The following STK3 variants were observed in gnomAD, a reference collection of about 807,000 sequenced individuals.
STK3 encodes serine/threonine-protein kinase 3.
Under a neutral mutation model 58.0 loss-of-function variants are expected in STK3, and 41 were observed. That is an observed-to-expected ratio of 0.71 (90% CI 0.55 to 0.92). The LOEUF (loss-of-function observed/expected upper bound fraction) is 0.92. Among genes scored for constraint, STK3 ranks in the 40% least tolerant of loss-of-function variants. The pLI is 0.00. For missense variants in STK3, 479 were observed against 602.7 expected (o/e 0.79, Z 2.15); for synonymous variants, 170 against 191.0 (o/e 0.89, Z 0.91).
intron 6 of STK3, among the ~76,000 whole-genome samples, chr8:98,637,377 A>T (rs973004366): frequency 6.6e-6 from 1 of 152,120 alleles, no homozygotes; most frequent in African/African-American, 2.4e-5. Context: ...AGTAAACTAA[A>T]CATGGGCCAA....
At chr8:98,928,736 A>G (rs1480987760) in intron 1 of STK3, among the ~76,000 whole-genome samples, 3 of 152,176 alleles carry the variant, frequency 2.0e-5, no homozygotes, top group African/African-American at 7.2e-5. Flanking sequence ...TACCTTTCCA[A>G]TTAAAAAAAT....
intron 1 of STK3, among the ~76,000 whole-genome samples, chr8:98,936,858 A>C (rs1386092852): frequency 6.6e-6 from 1 of 152,256 alleles, no homozygotes; most frequent in Non-Finnish European, 1.5e-5. Flanking sequence ...CCTGGAGGCA[A>C]GCCCACTTGC....
chr8:98,736,282 C>T (rs1247263313), intron 4 of STK3, among the ~76,000 whole-genome samples: 3 of 152,068 alleles, frequency 2.0e-5, no homozygotes, highest in Non-Finnish European at 4.4e-5. Flanking sequence ...TTCATGGATG[C>T]AAATACACTA....
chr8:98,584,629 G>A (rs1227161078), intron 7 of STK3, among the ~76,000 whole-genome samples: 1 of 149,330 alleles, frequency 6.7e-6, no homozygotes, highest in Non-Finnish European at 1.5e-5. Flanking sequence ...TGGGATGGCT[G>A]GGTCAAATGG....
intron 1 of STK3, among the ~76,000 whole-genome samples, chr8:98,931,628 T>C (rs563070116): frequency 3.4e-4 from 52 of 152,340 alleles, no homozygotes; most frequent in African/African-American, 1.2e-3. Context: ...GCACTGGCTT[T>C]TGATAACAGC....
At position 98,707,156 on chromosome 8, in the gene STK3, A is replaced by G. The variant is rs777683660; in HGVS notation, c.507T>C (p.Gly169=). 1.9e-6 allele frequency: 3 copies of G among 1,594,998 alleles called. No individual in the cohort carries two copies. The African/African-American group carries it at 4.0e-5, about 22-fold the overall frequency. The part of the protein sequence containing the change: ...HAKLADFGVA[G]QLTDTMAKRN... ...ATTAAAGTTAACTTACTGTTAACTG[A>G]CCAGCCACTCCAAAATCTGCCAATT... The change falls in exon 5 of 11, where the codon GGT becomes GGC. Residue 169 remains glycine, a synonymous_variant. Transcript: ENST00000419617.
rs1818776488 is a variant in STK3, at chr8:98,627,073, A to G, written c.685-30904T>C. ...CACCTCTAATGGCTATGTGGCTTGG[A>G]CTCAAGTCTTAAGAGTCATCATAGG... is the stretch of plus-strand genomic sequence containing the variant. On this transcript the variant is annotated intron_variant, in intron 6 of 10. Transcript: ENST00000419617. Among the ~76,000 whole-genome samples the G allele has an allele frequency of 2.0e-5, 3 of 152,078 alleles. No individual in the cohort carries two copies. The South Asian group carries it at 6.2e-4, about 31-fold the overall frequency.
chr8:98,639,928 T>C (rs1376106131), intron 6 of STK3, among the ~76,000 whole-genome samples: 1 of 152,012 alleles, frequency 6.6e-6, no homozygotes, highest in Non-Finnish European at 1.5e-5. Context: ...CTGGCCAACA[T>C]GGTGAAACCC....
chr8:98,740,672 A>G (rs1054703400), intron 4 of STK3, among the ~76,000 whole-genome samples: 39 of 152,364 alleles, frequency 2.6e-4, no homozygotes, highest in African/African-American at 8.9e-4. Context: ...GAGGCTAGGA[A>G]GAAACGGTAT....
rs1813697522 is a variant in STK3, at chr8:98,579,652, A to ATAAT, written c.948+8_948+11dup. ...GAAGAAAAAAATCAACTTTTTGAAG[A>ATAAT]TAATTACAAACCGAATTTTCTTCTT... On this transcript the variant is annotated intron_variant, in intron 8 of 10. Transcript: ENST00000419617. 1 of 1,600,178 alleles carries ATAAT rather than the reference A, an allele frequency of 6.2e-7. No homozygotes were observed. The highest frequency in any genetic ancestry group is 1.1e-5 in the South Asian group (1 of 87,456).
At chr8:98,534,787 G>A (rs1809624328) in intron 9 of STK3, among the ~76,000 whole-genome samples, 1 of 152,092 alleles carries the variant, frequency 6.6e-6, no homozygotes, top group Non-Finnish European at 1.5e-5. Flanking sequence ...CTAAAATAGA[G>A]TCTAGGAATT....
chr8:98,727,479 G>A (rs1827868929), intron 4 of STK3, among the ~76,000 whole-genome samples: 1 of 152,128 alleles, frequency 6.6e-6, no homozygotes, highest in Admixed American at 6.6e-5. Flanking sequence ...CTTAGGCTGG[G>A]TTTTCTGTAA....
intron 10 of STK3, among the ~76,000 whole-genome samples, chr8:98,468,886 G>A (rs964175836): frequency 1.5e-4 from 23 of 152,106 alleles, no homozygotes; most frequent in Admixed American, 3.9e-4. Context: ...TGAGGCAGGC[G>A]GATCACGAGG....
At chr8:98,914,476 A>G (rs1375030568) in intron 1 of STK3, among the ~76,000 whole-genome samples, 1 of 138,574 alleles carries the variant, frequency 7.2e-6, no homozygotes, top group African/African-American at 2.5e-5. Flanking sequence ...ACACACACAC[A>G]CACACACACA....
At chr8:98,385,068 A>G (rs113670984) in intron 1 of STK3, among the ~76,000 whole-genome samples, 61 of 152,122 alleles carry the variant, frequency 4.0e-4, no homozygotes, top group African/African-American at 1.5e-3. Flanking sequence ...TTTGAATTTC[A>G]AAAGCCAGTC....
chr8:98,717,265 T>C (rs570679503), intron 4 of STK3, among the ~76,000 whole-genome samples: 2 of 151,142 alleles, frequency 1.3e-5, no homozygotes, highest in East Asian at 3.9e-4. Context: ...GAGAAAACAT[T>C]TAAAAATTAC....
At chr8:98,859,709 G>A (rs1836856929) in intron 3 of STK3, among the ~76,000 whole-genome samples, 1 of 152,204 alleles carries the variant, frequency 6.6e-6, no homozygotes, top group Admixed American at 6.5e-5. Flanking sequence ...TTTCTACCCT[G>A]TGCAATCATA....
chr8:98,875,446 T>C (rs1180273653), intron 3 of STK3: 1 of 152,260 alleles, frequency 6.6e-6, no homozygotes, highest in Non-Finnish European at 1.5e-5. Flanking sequence ...TTTCAGTTTT[T>C]ATATGAAAAC....
At chr8:98,691,762 T>C (rs966353938) in intron 6 of STK3, among the ~76,000 whole-genome samples, 2 of 151,842 alleles carry the variant, frequency 1.3e-5, no homozygotes, top group Non-Finnish European at 2.9e-5. Context: ...TGAAACCCCG[T>C]CTCTACTAAA....
Sources: gnomAD v4.1 joint callset for allele counts (sites outside exome capture counted in the v4.1 genomes callset) on GRCh38, gnomAD v4.1.1 for gene constraint, MANE v1.5 for transcripts, NCBI Gene and HGNC (gene_info 2026-07-23, HGNC 2026-07-21) for gene names.